The following SCLY variants were observed in gnomAD, a reference collection of about 807,000 sequenced individuals.
SCLY encodes selenocysteine lyase.
In SCLY, 38 loss-of-function variants were observed where a neutral mutation model predicts 50.1. The ratio of observed to expected loss-of-function variants is 0.76; its 90% confidence interval spans 0.59 to 0.99. The LOEUF is 0.99. Among genes scored for constraint, SCLY ranks in the 50% least tolerant of loss-of-function variants. The pLI, the probability that SCLY is intolerant of heterozygous loss-of-function variation, is 0.00. For synonymous variants in SCLY, 243 were observed against 249.4 expected (o/e 0.97, Z 0.24); for missense variants, 600 against 620.0 (o/e 0.97, Z 0.34).
intron 4 of SCLY, among the ~76,000 whole-genome samples, chr2:238,074,290 A>C (rs1452798911): frequency 6.6e-6 from 1 of 151,520 alleles, no homozygotes; most frequent in Non-Finnish European, 1.5e-5. Flanking sequence ...TGAGCAACAG[A>C]GCAAGACTCC....
chr2:238,091,886 G>A (rs951374494), intron 8 of SCLY: 6 of 153,936 alleles, frequency 3.9e-5, no homozygotes, highest in African/African-American at 9.6e-5. Context: ...TCTCTGTAGT[G>A]TGTTCAGATG....
intron 7 of SCLY, among the ~76,000 whole-genome samples, chr2:238,088,194 G>T (rs1053122656): frequency 6.6e-6 from 1 of 152,248 alleles, no homozygotes; most frequent in East Asian, 1.9e-4. Context: ...GGGAGTGGTA[G>T]CTCATGCCTG....
intron 9 of SCLY, 122 bp downstream of exon 9, chr2:238,094,066 C>A: frequency 1.2e-6 from 1 of 840,268 alleles, no homozygotes; most frequent in Non-Finnish European, 1.9e-6. Context: ...GCCTGGAACT[C>A]AGCAGGATGC....
rs992538419 is a variant in SCLY at position 238,083,408 on chromosome 2, G to C, written c.884+54G>C. 19 of 1,276,076 alleles carry C rather than the reference G, an allele frequency of 1.5e-5. No individual in the cohort carries two copies. The highest frequency in any genetic ancestry group is 2.2e-5 in the Non-Finnish European group (19 of 872,758). The allele number at this position is 1,276,076 out of a possible 1,614,324, so 79.0% of individuals were successfully genotyped here. A position where few individuals can be genotyped will look rare whatever the true frequency, so the allele number is the denominator to read the frequency against. ...ACCTACTGACCGTGTCATTTGTAGA[G>C]CAGTGACATTGTAAAGAAACATGGC... On this transcript the variant is annotated intron_variant, in intron 7 of 11. Transcript: ENST00000254663. The surrounding 1 kb of genome is among the most constrained non-coding windows in gnomAD (Gnocchi z 4.3).
chr2:238,072,996 C>G (rs2065141355), intron 4 of SCLY, among the ~76,000 whole-genome samples: 1 of 152,122 alleles, frequency 6.6e-6, no homozygotes, highest in Non-Finnish European at 1.5e-5. Context: ...ATAGTTTTAG[C>G]TCTTACATTT....
In SCLY at chr2:238,096,889, C is replaced by T. The variant is rs2065443003; in HGVS notation, c.1184+13C>T. ...ACCACGGGGACCAGTAAGTGCTCTT[C>T]ACAAACCCAGTCCAGGGCATAGGGG... On this transcript the variant is annotated intron_variant, in intron 11 of 11. Coordinates refer to ENST00000254663, the MANE Select transcript of SCLY (RefSeq NM_016510.7). 6 of 1,602,844 alleles carry T rather than the reference C, an allele frequency of 3.7e-6. No homozygotes were observed. The African/African-American group carries it at 5.3e-5, about 14-fold the overall frequency.
chr2:238,066,414 A>AAGC lies in SCLY; in HGVS notation c.203-1646_203-1644dup, dbSNP rs2065071809. 6.6e-6 allele frequency among the ~76,000 whole-genome samples: 1 copy of AAGC among 152,244 alleles called. No homozygotes were observed. The highest frequency in any genetic ancestry group is 1.5e-5 in the Non-Finnish European group (1 of 68,044). The stretch of plus-strand genomic sequence containing the variant: ...TTGGGGTTTTGGAAACCGCTGACGT[A>AAGC]AGCAGCACTGACTGAGCACCAGCTG... On this transcript the variant is annotated intron_variant, in intron 2 of 11. Coordinates refer to ENST00000254663, the MANE Select transcript of SCLY (RefSeq NM_016510.7). This position sits in a 1 kb window ranked among gnomAD's most constrained non-coding sequence, Gnocchi z 4.1.
Position 238,094,406 on chromosome 2 carries a change from C to T in SCLY, c.1006-14C>T. The T allele has an allele frequency of 6.2e-7, 1 of 1,607,852 alleles. No homozygotes were observed. The highest frequency in any genetic ancestry group is 8.5e-7 in the Non-Finnish European group (1 of 1,175,742). On this transcript the variant is annotated splice_polypyrimidine_tract_variant and intron_variant, in intron 9 of 11. Transcript: ENST00000254663. The stretch of plus-strand genomic sequence containing the variant: ...TTTGAAGCTGTCACCAAATATTTCA[C>T]TTATTTTTTTCAGGCTGAATTCGGT...
chr2:238,090,797 C>T (rs1373896742), intron 7 of SCLY, among the ~76,000 whole-genome samples: 1 of 151,184 alleles, frequency 6.6e-6, no homozygotes, highest in Non-Finnish European at 1.5e-5. Flanking sequence ...CGCTTGCACA[C>T]ATACACACAC....
chr2:238,070,006 C>G (rs956245944), intron 4 of SCLY, among the ~76,000 whole-genome samples: 1 of 152,220 alleles, frequency 6.6e-6, no homozygotes, highest in Admixed American at 6.5e-5. Flanking sequence ...ACCCATGACG[C>G]GAGGCCTCCT....
Position 238,088,249 on chromosome 2 carries a change from G to A in SCLY, c.885-2969G>A, listed in dbSNP as rs1057032305. Among the ~76,000 whole-genome samples the A allele has an allele frequency of 3.3e-5, 5 of 152,206 alleles. No homozygotes were observed. In the South Asian group the frequency reaches 1.0e-3, roughly 31 times the overall value. On this transcript the variant is annotated intron_variant, in intron 7 of 11. Coordinates refer to ENST00000254663, the MANE Select transcript of SCLY (RefSeq NM_016510.7). ...GGCCAAGGCGGGTAAATCACTTGAA[G>A]TCAGGAGTTCGGGCCCAGCCTGGCC...
rs199859776 is a variant in SCLY at position 238,096,783 on chromosome 2, T to C, written c.1109-18T>C. 1.1e-5 allele frequency: 17 copies of C among 1,602,244 alleles called. No individual in the cohort carries two copies. The highest frequency in any genetic ancestry group is 9.4e-5 in the African/African-American group (7 of 74,782). On this transcript the variant is annotated intron_variant, in intron 10 of 11. Coordinates refer to ENST00000254663, the MANE Select transcript of SCLY (RefSeq NM_016510.7). ...TGGCTGGAGCCCCATCTCAGGGGCA[T>C]GTGCTCTGTCTCCGCAGGCCACGTG...
chr2:238,092,938 G>A (rs574984979), intron 8 of SCLY: 1 of 152,888 alleles, frequency 6.5e-6, no homozygotes, highest in East Asian at 1.9e-4. Flanking sequence ...CTTTAAACTT[G>A]ACATCTCAGC....
chr2:238,072,765 A>G (rs2065139537), intron 4 of SCLY, among the ~76,000 whole-genome samples: 1 of 152,190 alleles, frequency 6.6e-6, no homozygotes, highest in Non-Finnish European at 1.5e-5. Context: ...AGTTCTTTAT[A>G]TATGCTTGAT....
At chr2:238,082,446 G>A (rs1250020687) in intron 6 of SCLY, among the ~76,000 whole-genome samples, 1 of 152,192 alleles carries the variant, frequency 6.6e-6, no homozygotes, top group Admixed American at 6.5e-5. Context: ...CATGGGGCAG[G>A]GTGGGGGCGG....
chr2:238,074,183 G>C (rs2065151681), intron 4 of SCLY, among the ~76,000 whole-genome samples: 2 of 151,950 alleles, frequency 1.3e-5, no homozygotes, highest in Admixed American at 1.3e-4. Context: ...GCACATACCT[G>C]TAATCCCAGC....
chr2:238,093,506 A>G, intron 8 of SCLY: 1 of 301,000 alleles, frequency 3.3e-6, no homozygotes, highest in Non-Finnish European at 6.4e-6. Flanking sequence ...TCACCACCCC[A>G]CCTTGGGCCT....
chr2:238,097,878 G>C (rs999017762), intron 11 of SCLY, among the ~76,000 whole-genome samples: 1 of 152,142 alleles, frequency 6.6e-6, no homozygotes, highest in African/African-American at 2.4e-5. Context: ...GTCGGCATCC[G>C]TGTTCTCCAG....
At chr2:238,089,553 G>A (rs1309175264) in intron 7 of SCLY, among the ~76,000 whole-genome samples, 3 of 151,988 alleles carry the variant, frequency 2.0e-5, no homozygotes, top group Non-Finnish European at 2.9e-5. Context: ...TCCAACCTGC[G>A]GCCTGCAGGC....
Sources: allele counts gnomAD v4.1 joint callset (sites outside exome capture counted in the v4.1 genomes callset), GRCh38; gene constraint gnomAD v4.1.1; non-coding constraint Gnocchi (gnomAD v3.1); transcripts MANE v1.5; gene names NCBI Gene and HGNC (gene_info 2026-07-23, HGNC 2026-07-21).